The following EML4 variants were observed in gnomAD, a reference collection of about 807,000 sequenced individuals.
EML4 encodes the protein EMAP like 4.
In EML4, 72 loss-of-function variants were observed where a neutral mutation model predicts 129.0. The ratio of observed to expected loss-of-function variants is 0.56; its 90% CI spans 0.46 to 0.68. The LOEUF is 0.68. Ranked by LOEUF, EML4 falls within the 30% of genes least tolerant of loss-of-function variation. The pLI is 0.00. For missense variants in EML4, 1,363 were observed against 1,190.6 expected (o/e 1.14, Z -2.13); for synonymous variants, 532 against 405.0 (o/e 1.31, Z -3.77).
At chr2:42,276,932 A>G (rs1484286416) in intron 6 of EML4, among the ~76,000 whole-genome samples, 1 of 152,190 alleles carries the variant, frequency 6.6e-6, no homozygotes, top group Non-Finnish European at 1.5e-5. Context: ...TTTTTATATC[A>G]TATCAGAAAA....
At chr2:42,248,867 C>G (rs183831636) in intron 2 of EML4, among the ~76,000 whole-genome samples, 2 of 152,126 alleles carry the variant, frequency 1.3e-5, no homozygotes, top group East Asian at 3.9e-4. Context: ...CATAGATGAG[C>G]ATAATTCATG....
chr2:42,285,500 T>A (rs1217320310), intron 9 of EML4, among the ~76,000 whole-genome samples: 1 of 152,086 alleles, frequency 6.6e-6, no homozygotes, highest in Non-Finnish European at 1.5e-5. Context: ...TGATAAAATG[T>A]GTTATTTTCT....
At chr2:42,238,192 C>T (rs1674794667) in intron 1 of EML4, among the ~76,000 whole-genome samples, 1 of 152,084 alleles carries the variant, frequency 6.6e-6, no homozygotes, top group African/African-American at 2.4e-5. Context: ...GCAGATATTC[C>T]AAAATCTGAA....
At chr2:42,265,884 G>A (rs1156331852) in intron 6 of EML4, among the ~76,000 whole-genome samples, 9 of 152,192 alleles carry the variant, frequency 5.9e-5, no homozygotes, top group Non-Finnish European at 2.9e-5. Flanking sequence ...TTTGGCGAAT[G>A]CGTATTTAAT....
intron 19 of EML4, chr2:42,320,089 C>G (rs932182480): frequency 5.3e-5 from 8 of 152,128 alleles, no homozygotes; most frequent in Non-Finnish European, 1.2e-4. Context: ...ATGGCTGGTA[C>G]CCAATGATGT....
intron 1 of EML4, among the ~76,000 whole-genome samples, chr2:42,201,975 C>T (rs1672260974): frequency 6.6e-6 from 1 of 151,846 alleles, no homozygotes; most frequent in African/African-American, 2.4e-5. Context: ...CCCAGCTCCT[C>T]AGGAGGCTGA....
At chr2:42,319,970 AAAT>A (rs1669436632) in intron 19 of EML4, 1 of 152,230 alleles carries the variant, frequency 6.6e-6, no homozygotes, top group Non-Finnish European at 1.5e-5. Context: ...TCTCTAATAA[AAAT>A]AATAAAGTAA....
intron 1 of EML4, among the ~76,000 whole-genome samples, chr2:42,210,254 C>A (rs138850039): frequency 5.9e-5 from 9 of 152,060 alleles, no homozygotes; most frequent in African/African-American, 1.9e-4. Context: ...GTTTTTGATA[C>A]CTCGACAGTT....
chr2:42,248,948 C>T (rs957476622), intron 2 of EML4, among the ~76,000 whole-genome samples: 6 of 152,036 alleles, frequency 3.9e-5, no homozygotes, highest in Non-Finnish European at 5.9e-5. Context: ...GATATTAAGA[C>T]ATTGAGAGAA....
chr2:42,277,001 C>T (rs960249528), intron 6 of EML4, among the ~76,000 whole-genome samples: 1 of 152,168 alleles, frequency 6.6e-6, no homozygotes, highest in African/African-American at 2.4e-5. Flanking sequence ...CTGCTTGACA[C>T]TTGATACCCA....
At chr2:42,321,376 C>T (rs186908931) in intron 19 of EML4, among the ~76,000 whole-genome samples, 1 of 151,962 alleles carries the variant, frequency 6.6e-6, no homozygotes, top group African/African-American at 2.4e-5. Flanking sequence ...GCGAGACTCA[C>T]ATCTGAAAAA....
At chr2:42,322,895 T>C (rs1454312886) in intron 19 of EML4, among the ~76,000 whole-genome samples, 1 of 152,242 alleles carries the variant, frequency 6.6e-6, no homozygotes, top group African/African-American at 2.4e-5. Flanking sequence ...GAAAATACTT[T>C]CATTTCTAAA....
chr2:42,286,874 T>C (rs549744222), intron 10 of EML4, among the ~76,000 whole-genome samples: 22 of 152,358 alleles, frequency 1.4e-4, no homozygotes, highest in African/African-American at 5.0e-4. Flanking sequence ...TGGTTTTGAA[T>C]TGATGACAAC....
chr2:42,182,740 G>T (rs1309659955), intron 1 of EML4, among the ~76,000 whole-genome samples: 1 of 152,130 alleles, frequency 6.6e-6, no homozygotes, highest in Non-Finnish European at 1.5e-5. Flanking sequence ...ACCACAGACT[G>T]GGTGGTTTAA....
At chr2:42,226,527 C>T (rs1673968699) in intron 1 of EML4, among the ~76,000 whole-genome samples, 1 of 149,578 alleles carries the variant, frequency 6.7e-6, no homozygotes, top group South Asian at 2.2e-4. Context: ...CGTGATGGTG[C>T]ATTCCCGTAA....
chr2:42,264,830 A>C, intron 6 of EML4, 99 bp downstream of exon 6: 1 of 1,415,866 alleles, frequency 7.1e-7, no homozygotes, highest in Non-Finnish European at 9.7e-7. Flanking sequence ...TTATCAGTTC[A>C]TAGTAATCAA....
chr2:42,206,027 C>A (rs1047352835), intron 1 of EML4, among the ~76,000 whole-genome samples: 1 of 152,110 alleles, frequency 6.6e-6, no homozygotes, highest in Non-Finnish European at 1.5e-5. Flanking sequence ...CTAGCACTTA[C>A]TGCATTTATC....
chr2:42,267,898 T>A (rs1236591939), intron 6 of EML4, among the ~76,000 whole-genome samples: 1 of 152,222 alleles, frequency 6.6e-6, no homozygotes, highest in Non-Finnish European at 1.5e-5. Context: ...AAGTTCCATG[T>A]AGGACTATCT....
chr2:42,317,598 G>A lies in EML4; in HGVS notation c.2154+74G>A, dbSNP rs1415278084. ...TCCGTTAAAAACAAATTTTTACATCGATGTGTGTGTTGTTTCCTGTCGTTA... is the reference window on the plus strand; with the variant it reads ...TCCGTTAAAAACAAATTTTTACATCAATGTGTGTGTTGTTTCCTGTCGTTA... On this transcript the variant is annotated intron_variant, in intron 19 of 22. Coordinates refer to ENST00000318522, the MANE Select transcript of EML4 (RefSeq NM_019063.5). 2.1e-5 allele frequency: 21 copies of A among 982,898 alleles called. No homozygotes were observed. In the East Asian group the frequency reaches 2.4e-4, roughly 11 times the overall value. 60.9% of individuals were successfully genotyped at this position (982,898 alleles called of 1,614,324 possible).
Sources: gnomAD v4.1 joint callset for allele counts (sites outside exome capture counted in the v4.1 genomes callset) on GRCh38, gnomAD v4.1.1 for gene constraint, MANE v1.5 for transcripts, NCBI Gene and HGNC (gene_info 2026-07-23, HGNC 2026-07-21) for gene names.